The following CFAP97 variants were observed in gnomAD, a reference collection of about 807,000 sequenced individuals.
CFAP97 encodes cilia and flagella associated protein 97, also known as cilia- and flagella-associated protein 97.
CFAP97 carries 36 observed loss-of-function variants against 43.1 expected under a neutral mutation model. The ratio of observed to expected loss-of-function variants is 0.84; its 90% CI spans 0.64 to 1.10. The LOEUF (loss-of-function observed/expected upper bound fraction) is 1.10. Among genes scored for constraint, CFAP97 ranks in the 50% least tolerant of loss-of-function variants. The pLI, the probability that CFAP97 is intolerant of heterozygous loss-of-function variation, is 0.00. For synonymous variants in CFAP97, 228 were observed against 225.7 expected (o/e 1.01, Z -0.09); for missense variants, 657 against 620.3 (o/e 1.06, Z -0.63).
upstream of CFAP97, among the ~76,000 whole-genome samples, chr4:185,206,659 T>C (rs1254700193): frequency 5.0e-5 from 1 of 19,922 alleles, no homozygotes. Context: ...AACTCTTGTC[T>C]CAAAAAAAAA....
upstream of CFAP97, among the ~76,000 whole-genome samples, chr4:185,208,311 C>T (rs1206094001): frequency 6.6e-6 from 1 of 151,972 alleles, no homozygotes; most frequent in Non-Finnish European, 1.5e-5. Context: ...CCACCGTGCC[C>T]GCCCCTATTT....
At chr4:185,200,396 T>C (rs1736767055) in intron 1 of CFAP97, among the ~76,000 whole-genome samples, 1 of 152,164 alleles carries the variant, frequency 6.6e-6, no homozygotes, top group South Asian at 2.1e-4. Flanking sequence ...TCCCAGCACT[T>C]TGGGAGGCTG....
At position 185,164,056 on chromosome 4, in the gene CFAP97, A is replaced by G; in HGVS notation, c.1444T>C (p.Ser482Pro). 6.2e-7 allele frequency: 1 copy of G among 1,614,010 alleles called. No homozygotes were observed. Among genetic ancestry groups the G allele is most frequent in the South Asian group, 1.1e-5 (1 of 91,082 alleles). The change falls in exon 4 of 5, where the codon TCC becomes CCC. Residue 482 changes from serine (S) to proline (P), a missense_variant. Ser to Pro is a moderately conservative substitution (Grantham distance 74). Coordinates refer to ENST00000458385, the MANE Select transcript of CFAP97 (RefSeq NM_020827.3). ...AATGGGCTATATTGGCCAAGAGTGG[A>G]TCTGGCCCGTCTTGACAATGGTGAT... ...NSSPLSRRAR[S>P]TLGQYSPLRA...
At chr4:185,193,302 C>T (rs1394880863) in intron 1 of CFAP97, among the ~76,000 whole-genome samples, 3 of 152,134 alleles carry the variant, frequency 2.0e-5, no homozygotes, top group Admixed American at 1.3e-4. Flanking sequence ...CTATGAGAAG[C>T]CATGAGTACA....
chr4:185,204,453 C>G (rs765978469), upstream of CFAP97: 1 of 152,172 alleles, frequency 6.6e-6, no homozygotes, highest in Non-Finnish European at 1.5e-5. Flanking sequence ...AGACCTTTGC[C>G]GAGTGGTAAA....
At position 185,160,707 on chromosome 4, in the gene CFAP97, A is replaced by G. The variant is rs1270115829; in HGVS notation, c.*2091T>C. 6.6e-6 allele frequency: 1 copy of G among 151,842 alleles called. No individual in the cohort carries two copies. Among genetic ancestry groups the G allele is most frequent in the African/African-American group, 2.4e-5 (1 of 41,388 alleles). The allele number at this position is 151,842 out of a possible 1,614,324, so 9.4% of individuals were successfully genotyped here. A position where few individuals can be genotyped will look rare whatever the true frequency, so the allele number is the denominator to read the frequency against. On this transcript the variant is annotated 3_prime_UTR_variant, in exon 5 of 5. Coordinates refer to ENST00000458385, the MANE Select transcript of CFAP97 (RefSeq NM_020827.3). ...AAACTAAAGCATTAAATTAGTACCTAAAATCAAAGTACAGTTGTTATTTAT... is the reference window on the plus strand; with the variant it reads ...AAACTAAAGCATTAAATTAGTACCTGAAATCAAAGTACAGTTGTTATTTAT...
At chr4:185,169,434 G>A (rs758001520) in intron 3 of CFAP97, 6 of 247,886 alleles carry the variant, frequency 2.4e-5, no homozygotes, top group Admixed American at 2.0e-4. Flanking sequence ...CTTCTGCTTC[G>A]CCTTCCAGCA....
In CFAP97 at chr4:185,191,053, T is replaced by G; in HGVS notation, c.144A>C (p.Thr48=). 1 of 1,613,530 alleles carries G rather than the reference T, an allele frequency of 6.2e-7. No homozygotes were observed. Residue 48 remains threonine, a synonymous_variant, in exon 2 of 5, where the codon ACA becomes ACC. Coordinates refer to ENST00000458385, the MANE Select transcript of CFAP97 (RefSeq NM_020827.3). The part of the protein sequence containing the change: ...DDPKERIDKD[T]KNVNSNTGMQ... ...TTCCAGTGTTCGAATTTACATTTTTTGTATCTTTATCTATTCTTTCCTTTG... is the reference window on the plus strand; with the variant it reads ...TTCCAGTGTTCGAATTTACATTTTTGGTATCTTTATCTATTCTTTCCTTTG...
intron 1 of CFAP97, among the ~76,000 whole-genome samples, chr4:185,193,990 T>A (rs1736425481): frequency 6.6e-6 from 1 of 152,208 alleles, no homozygotes; most frequent in Admixed American, 6.5e-5. Context: ...ATCACTTAGA[T>A]CACGAGTCAG....
rs776320379 is a variant in CFAP97 at position 185,162,915 on chromosome 4, C to T, written c.1482G>A (p.Arg494=). 3.2e-6 allele frequency: 5 copies of T among 1,560,756 alleles called. No individual in the cohort carries two copies. The highest frequency in any genetic ancestry group is 1.7e-4 in the Middle Eastern group (1 of 5,838). The change falls in exon 5 of 5, where the codon AGG becomes AGA. Residue 494 remains arginine (R), a synonymous_variant. Transcript: ENST00000458385. ...LGQYSPLRAS[R]TSSATSGLSC... is the part of the protein sequence containing the mutation. ...TGAGACCACTCGTAGCACTGGATGT[C>T]CTGGAAGCTCCTGAAAATATAAAAA... is the stretch of plus-strand genomic sequence containing the variant.
In CFAP97 at chr4:185,209,441, C is replaced by G. The variant is rs959746897; in HGVS notation, c.-190G>C. On this transcript the variant is annotated 5_prime_UTR_variant, in exon 1 of 3. Coordinates refer to the CFAP97 transcript ENST00000503223. The surrounding 1 kb of genome is among the most constrained non-coding windows in gnomAD (Gnocchi z 5.2). ...AAGAGAGGTGTGCACCGCGCTGGGT[C>G]GCGCCCTCTCCCCGTGGGGCCCCGG... The G allele has an allele frequency of 3.9e-5, 6 of 152,246 alleles. No individual in the cohort carries two copies. The highest frequency in any genetic ancestry group is 1.4e-4 in the African/African-American group (6 of 41,454). The allele number at this position is 152,246 out of a possible 1,614,324, so 9.4% of individuals were successfully genotyped here. A position where few individuals can be genotyped will look rare whatever the true frequency, so the allele number is the denominator to read the frequency against.
upstream of CFAP97, chr4:185,210,037 C>T (rs1212479078): frequency 1.0e-6 from 1 of 983,734 alleles, no homozygotes; most frequent in Non-Finnish European, 1.2e-6. This position sits in a 1 kb window ranked among gnomAD's most constrained non-coding sequence, Gnocchi z 4.4. Context: ...CGCCGTGGCC[C>T]TCTCCTTCCT....
upstream of CFAP97, among the ~76,000 whole-genome samples, chr4:185,206,357 T>C (rs1192426408): frequency 6.6e-6 from 1 of 152,166 alleles, no homozygotes; most frequent in African/African-American, 2.4e-5. Flanking sequence ...AACATTAAGA[T>C]GGTCTGCAGG....
chr4:185,169,952 T>C (rs930193979), intron 3 of CFAP97: 2 of 1,019,796 alleles, frequency 2.0e-6, no homozygotes, highest in Non-Finnish European at 2.3e-6. Flanking sequence ...GTACTGTTAA[T>C]CAACAGATTA....
rs1015169901 is a variant in CFAP97 at position 185,202,037 on chromosome 4, T to G, written c.-17+1861A>C. On this transcript the variant is annotated intron_variant, in intron 1 of 4. Transcript: ENST00000458385. ...GCTAAAGGAAAAAGGATTTTTGTTT[T>G]TCCCCCCATCCCCTACACTTGTCTC... 9.4e-5 allele frequency among the ~76,000 whole-genome samples: 11 copies of G among 117,380 alleles called. No individual in the cohort carries two copies. In the East Asian group the frequency reaches 3.2e-3, roughly 35 times the overall value. The allele number at this position is 117,380 out of a possible 152,430, so 77.0% of individuals were successfully genotyped here. A position where few individuals can be genotyped will look rare whatever the true frequency, so the allele number is the denominator to read the frequency against.
At chr4:185,171,511 G>A (rs898765520) in intron 3 of CFAP97, among the ~76,000 whole-genome samples, 3 of 152,148 alleles carry the variant, frequency 2.0e-5, no homozygotes, top group African/African-American at 7.2e-5. Flanking sequence ...AACTTTGCTT[G>A]AATTACTTCT....
upstream of CFAP97, chr4:185,209,717 C>G: frequency 1.0e-6 from 1 of 984,028 alleles, no homozygotes; most frequent in Non-Finnish European, 1.2e-6. The surrounding 1 kb of genome is among the most constrained non-coding windows in gnomAD (Gnocchi z 5.2). Context: ...GGGCCGCTCC[C>G]TCGGTGGGCC....
intron 2 of CFAP97, among the ~76,000 whole-genome samples, chr4:185,183,184 T>G (rs749224947): frequency 1.3e-5 from 2 of 152,180 alleles, no homozygotes; most frequent in Non-Finnish European, 1.5e-5. Context: ...AACTCTCACC[T>G]AATATGGCTG....
chr4:185,198,658 G>A (rs771544979), intron 1 of CFAP97, among the ~76,000 whole-genome samples: 45 of 151,628 alleles, frequency 3.0e-4, no homozygotes, highest in African/African-American at 1.0e-3. Flanking sequence ...GTGTGGTGGC[G>A]CATGCCTGTA....
Sources: allele counts gnomAD v4.1 joint callset (sites outside exome capture counted in the v4.1 genomes callset), GRCh38; gene constraint gnomAD v4.1.1; non-coding constraint Gnocchi (gnomAD v3.1); transcripts MANE v1.5; gene names NCBI Gene and HGNC (gene_info 2026-07-23, HGNC 2026-07-21).